Variants in QTMAN observed in about 807,000 individuals in gnomAD.
QTMAN encodes the protein tRNA-queuosine alpha-mannosyltransferase.
At chr2:144,165,186 A>G in the QTMAN span, among the ~76,000 whole-genome samples, 1 of 152,072 alleles carries the variant, frequency 6.6e-6, no homozygotes, top group East Asian at 1.9e-4. Flanking sequence ...ACTGGCCAAC[A>G]TGATGAAACA....
the QTMAN span, among the ~76,000 whole-genome samples, chr2:143,974,567 G>A: frequency 6.6e-6 from 1 of 152,178 alleles, no homozygotes; most frequent in South Asian, 2.1e-4. Context: ...TAAAGTAAAA[G>A]AGAGATGACA....
chr2:143,949,053 T>A, the QTMAN span, among the ~76,000 whole-genome samples: 1 of 152,120 alleles, frequency 6.6e-6, no homozygotes, highest in African/African-American at 2.4e-5. Flanking sequence ...TTTAAAATTA[T>A]TAAGAAACAT....
At chr2:144,033,828 T>G in the QTMAN span, among the ~76,000 whole-genome samples, 2 of 152,200 alleles carry the variant, frequency 1.3e-5, no homozygotes, top group East Asian at 3.9e-4. Flanking sequence ...CTTTCAACTT[T>G]ATAGCTCCTA....
the QTMAN span, among the ~76,000 whole-genome samples, chr2:144,155,326 T>G: frequency 1.2e-4 from 19 of 152,318 alleles, no homozygotes; most frequent in African/African-American, 4.6e-4. Context: ...CAGGGATTCA[T>G]GATCATTAGC....
At chr2:144,184,781 C>T in the QTMAN span, among the ~76,000 whole-genome samples, 1 of 152,074 alleles carries the variant, frequency 6.6e-6, no homozygotes, top group Non-Finnish European at 1.5e-5. Context: ...ATCAGGAATT[C>T]TATTAAAGCA....
chr2:144,194,498 A>G, the QTMAN span, among the ~76,000 whole-genome samples: 3 of 152,216 alleles, frequency 2.0e-5, no homozygotes, highest in Non-Finnish European at 4.4e-5. Flanking sequence ...ACATTGAAGA[A>G]ATTCACACTG....
the QTMAN span, among the ~76,000 whole-genome samples, chr2:144,069,817 T>C: frequency 6.6e-6 from 1 of 152,092 alleles, no homozygotes; most frequent in Non-Finnish European, 1.5e-5. Flanking sequence ...ACATTTCTCA[T>C]TGGACACTTA....
chr2:143,952,910 GT>G, the QTMAN span: 1 of 970,538 alleles, frequency 1.0e-6, no homozygotes, highest in South Asian at 1.4e-5. Context: ...CCAGAAAGTG[GT>G]TTTGTTTGCC....
At chr2:144,229,652 A>T in the QTMAN span, among the ~76,000 whole-genome samples, 7 of 152,222 alleles carry the variant, frequency 4.6e-5, no homozygotes, top group Non-Finnish European at 1.0e-4. Flanking sequence ...CTATTTTCCT[A>T]AAATAGAATT....
At chr2:144,131,113 C>T in the QTMAN span, among the ~76,000 whole-genome samples, 6 of 151,860 alleles carry the variant, frequency 4.0e-5, no homozygotes, top group African/African-American at 1.4e-4. Context: ...AACGAAAGGG[C>T]AAATCCAACC....
At chr2:144,298,829 G>A in the QTMAN span, among the ~76,000 whole-genome samples, 10 of 152,142 alleles carry the variant, frequency 6.6e-5, no homozygotes, top group Admixed American at 3.9e-4. Flanking sequence ...CCTCTCTTGG[G>A]GAGCTTATGT....
chr2:144,124,854 T>C, the QTMAN span, among the ~76,000 whole-genome samples: 1 of 152,168 alleles, frequency 6.6e-6, no homozygotes, highest in South Asian at 2.1e-4. Flanking sequence ...TAAGGTTATA[T>C]CTTTTTATCT....
the QTMAN span, among the ~76,000 whole-genome samples, chr2:144,050,557 G>T: frequency 6.6e-6 from 1 of 152,110 alleles, no homozygotes; most frequent in Non-Finnish European, 1.5e-5. Flanking sequence ...AACAGTAATG[G>T]TAACAGATTT....
chr2:144,164,638 GCACTTAA>G, the QTMAN span, among the ~76,000 whole-genome samples: 1 of 152,100 alleles, frequency 6.6e-6, no homozygotes, highest in South Asian at 2.1e-4. Flanking sequence ...CAGAGCCACT[GCACTTAA>G]GTAATTCCTA....
the QTMAN span, among the ~76,000 whole-genome samples, chr2:144,015,959 G>A: frequency 3.3e-5 from 5 of 152,078 alleles, no homozygotes; most frequent in East Asian, 1.9e-4. Context: ...AACATGTGTC[G>A]GGCGTGACGT....
At chr2:143,970,762 C>G in the QTMAN span, 6 of 1,479,112 alleles carry the variant, frequency 4.1e-6, no homozygotes, top group Non-Finnish European at 5.7e-6. Flanking sequence ...TATCATGCTC[C>G]CTGGAAATAA....
the QTMAN span, among the ~76,000 whole-genome samples, chr2:144,328,020 C>T: frequency 6.6e-6 from 1 of 152,248 alleles, no homozygotes; most frequent in East Asian, 1.9e-4. Flanking sequence ...GGTGCCATCT[C>T]GGCTCACTGC....
the QTMAN span, among the ~76,000 whole-genome samples, chr2:144,009,251 G>C: frequency 3.0e-4 from 46 of 152,070 alleles, no homozygotes; most frequent in East Asian, 8.9e-3. Context: ...TAGAATCTAA[G>C]GAGTTGCCTC....
At chr2:143,942,983 G>A in the QTMAN span, 1 of 152,194 alleles carries the variant, frequency 6.6e-6, no homozygotes, top group Non-Finnish European at 1.5e-5. Context: ...CACAAAGAGT[G>A]GCAAGAAGCC....
Sources: gnomAD v4.1 joint callset for allele counts (sites outside exome capture counted in the v4.1 genomes callset) on GRCh38, gnomAD v4.1.1 for gene constraint, MANE v1.5 for transcripts, NCBI Gene and HGNC (gene_info 2026-07-23, HGNC 2026-07-21) for gene names.